Variants in ANGPT2 observed in about 807,000 individuals in gnomAD.
ANGPT2 encodes the protein angiopoietin-2.
ANGPT2 carries 28 observed loss-of-function variants against 62.9 expected under a neutral mutation model. The observed-to-expected ratio is 0.44, with a 90% CI of 0.33 to 0.61. The LOEUF is 0.61. Ranked by LOEUF, ANGPT2 falls within the 20% of genes least tolerant of loss-of-function variation. The probability of loss-of-function intolerance (pLI) is 0.03; values close to 1 mark genes in which losing one functional copy is unlikely to be tolerated. For synonymous variants in ANGPT2, 284 were observed against 207.8 expected (o/e 1.37, Z -3.15); for missense variants, 727 against 594.9 (o/e 1.22, Z -2.31).
intron 7 of ANGPT2, among the ~76,000 whole-genome samples, chr8:6,510,467 T>C (rs1195915960): frequency 6.6e-6 from 1 of 152,326 alleles, no homozygotes. Context: ...ACAGTTTGTA[T>C]TGGAAGAATA....
chr8:6,537,783 G>T (rs942410678), intron 1 of ANGPT2, among the ~76,000 whole-genome samples: 8 of 151,980 alleles, frequency 5.3e-5, no homozygotes, highest in African/African-American at 1.9e-4. Context: ...TCTTGAAACT[G>T]GCTCAGTAAA....
At chr8:6,552,015 A>G (rs1177187307) in intron 1 of ANGPT2, among the ~76,000 whole-genome samples, 1 of 152,208 alleles carries the variant, frequency 6.6e-6, no homozygotes, top group Non-Finnish European at 1.5e-5. Flanking sequence ...ATGACCAAGA[A>G]TTGATATCAT....
intron 1 of ANGPT2, among the ~76,000 whole-genome samples, chr8:6,559,055 T>G (rs752435814): frequency 3.9e-5 from 6 of 152,088 alleles, no homozygotes; most frequent in Non-Finnish European, 8.8e-5. Flanking sequence ...ATTTCACCAC[T>G]CAGGATGTAG....
At chr8:6,546,941 A>G (rs1382629333) in intron 1 of ANGPT2, among the ~76,000 whole-genome samples, 1 of 152,216 alleles carries the variant, frequency 6.6e-6, no homozygotes, top group East Asian at 1.9e-4. Flanking sequence ...AAAAACAGCC[A>G]TGTTCCTTGC....
intron 1 of ANGPT2, among the ~76,000 whole-genome samples, chr8:6,559,588 A>C (rs1825198649): frequency 6.6e-6 from 1 of 152,222 alleles, no homozygotes; most frequent in Admixed American, 6.5e-5. Context: ...ATTCTGTTTT[A>C]ACGTGTTCAT....
At chr8:6,559,288 C>G (rs981850647) in intron 1 of ANGPT2, among the ~76,000 whole-genome samples, 8 of 151,248 alleles carry the variant, frequency 5.3e-5, no homozygotes, top group African/African-American at 1.9e-4. Flanking sequence ...CAGGGTGGGG[C>G]TAGCGGGCTG....
At position 6,513,781 on chromosome 8, in the gene ANGPT2, G is replaced by T. The variant is rs1563323700; in HGVS notation, c.1093C>A (p.Gln365Lys). Residue 365 changes from glutamine to lysine, a missense_variant, in exon 7 of 9, where the codon CAG (glutamine) becomes AAG (lysine). By Grantham distance (53) the Gln-to-Lys change is moderately conservative. Coordinates refer to ENST00000629816, the MANE Select transcript of ANGPT2 (RefSeq NM_001118887.2). Reference protein sequence around the residue: ...GNEFVSQLTNQQRYVLKIHLK... With the variant: ...GNEFVSQLTNKQRYVLKIHLK... ...TGTATTTTAAGCACATAGCGTTGCT[G>T]ATTAGTCAGTTGCGAAACAAACTCA... 1 of 1,613,902 alleles carries T rather than the reference G, an allele frequency of 6.2e-7. No individual in the cohort carries two copies. The highest frequency in any genetic ancestry group is 8.5e-7 in the Non-Finnish European group (1 of 1,179,960).
intron 1 of ANGPT2, 65 bp from the exon 2 acceptor site, chr8:6,532,552 T>C (rs1819717621): frequency 8.4e-7 from 1 of 1,189,190 alleles, no homozygotes; most frequent in African/African-American, 1.6e-5. Context: ...TTCCTAAATG[T>C]TTGTCGTCTC....
intron 1 of ANGPT2, among the ~76,000 whole-genome samples, chr8:6,561,564 C>A (rs149595380): frequency 7.8e-4 from 119 of 152,316 alleles, no homozygotes; most frequent in African/African-American, 2.8e-3. Flanking sequence ...TAGGGTCATG[C>A]GTCAAATGAG....
At chr8:6,532,851 C>A (rs1332238613) in intron 1 of ANGPT2, among the ~76,000 whole-genome samples, 1 of 152,198 alleles carries the variant, frequency 6.6e-6, no homozygotes, top group South Asian at 2.1e-4. Context: ...TACCCAGCTG[C>A]AACTCTGACC....
At chr8:6,503,289 AG>A (rs774505938) in intron 8 of ANGPT2, 28 bp from the exon 9 acceptor site, 2 of 1,613,594 alleles carry the variant, frequency 1.2e-6, no homozygotes, top group Non-Finnish European at 1.7e-6. Flanking sequence ...AGAAGGAATT[AG>A]GAACTAGGTG....
At chr8:6,560,949 G>T (rs1009099604) in intron 1 of ANGPT2, among the ~76,000 whole-genome samples, 2 of 152,108 alleles carry the variant, frequency 1.3e-5, no homozygotes, top group East Asian at 1.9e-4. Context: ...CCTGCCTGTC[G>T]GGCAGATTAG....
Position 6,508,945 on chromosome 8 carries a change from T to C in ANGPT2, c.1314A>G (p.Gln438=), listed in dbSNP as rs975259468. The stretch of plus-strand genomic sequence containing the variant: ...AGTCATCCCTACCTCCTGTTAGCAT[T>C]TGTGAACATTTGCAAATACATTTGT... ...DNDKCICKCS[Q]MLTGGWWFDA... Residue 438 remains glutamine, a synonymous_variant, in exon 8 of 9, where the codon CAA becomes CAG. Coordinates refer to ENST00000629816, the MANE Select transcript of ANGPT2 (RefSeq NM_001118887.2). The C allele has an allele frequency of 1.2e-6, 2 of 1,614,150 alleles. No individual in the cohort carries two copies. The highest frequency in any genetic ancestry group is 1.1e-5 in the South Asian group (1 of 91,078).
chr8:6,559,187 G>A (rs1825119842), intron 1 of ANGPT2, among the ~76,000 whole-genome samples: 1 of 150,242 alleles, frequency 6.7e-6, no homozygotes, highest in Admixed American at 6.7e-5. Flanking sequence ...TATTGTTGTT[G>A]TTTTAATATA....
chr8:6,520,071 G>C, intron 4 of ANGPT2, 80 bp from the exon 5 acceptor site: 1 of 1,532,338 alleles, frequency 6.5e-7, no homozygotes. Flanking sequence ...CCAATCATTT[G>C]GTGAGTTTTA....
chr8:6,499,820 T>C lies in ANGPT2; in HGVS notation c.*3281A>G. The C allele has an allele frequency of 6.3e-7, 1 of 1,599,456 alleles. No homozygotes were observed. The highest frequency in any genetic ancestry group is 8.6e-7 in the Non-Finnish European group (1 of 1,168,152). On this transcript the variant is annotated 3_prime_UTR_variant, in exon 9 of 9. Transcript: ENST00000629816. ...TATTGCCTGCTAAGGCTAATAAATG[T>C]ATAATAAATCTGCTTGTTGTGTCAC...
intron 1 of ANGPT2, among the ~76,000 whole-genome samples, chr8:6,541,284 A>G (rs1423856542): frequency 6.6e-6 from 1 of 152,214 alleles, no homozygotes; most frequent in Non-Finnish European, 1.5e-5. Flanking sequence ...AGAGAAAGTC[A>G]GTGCCCACCC....
intron 3 of ANGPT2, among the ~76,000 whole-genome samples, chr8:6,527,322 AG>A (rs1330628964): frequency 2.8e-4 from 42 of 152,346 alleles, no homozygotes; most frequent in South Asian, 2.1e-4. Context: ...TTACTCTAAG[AG>A]GATCTTTAAG....
chr8:6,538,675 G>A (rs192105439), intron 1 of ANGPT2, among the ~76,000 whole-genome samples: 5 of 152,238 alleles, frequency 3.3e-5, no homozygotes, highest in East Asian at 3.9e-4. Flanking sequence ...AAAGATACTC[G>A]TTTTGTGTTT....
Sources: allele counts gnomAD v4.1 joint callset (sites outside exome capture counted in the v4.1 genomes callset), GRCh38; gene constraint gnomAD v4.1.1; transcripts MANE v1.5; gene names NCBI Gene and HGNC (gene_info 2026-07-23, HGNC 2026-07-21).